Variants in FBXL7 observed in about 807,000 individuals in gnomAD.
FBXL7 encodes F-box and leucine rich repeat protein 7.
A neutral mutation model predicts 38.3 loss-of-function variants in FBXL7; 12 were observed. The observed-to-expected ratio is 0.31, with a 90% CI of 0.20 to 0.51. The LOEUF is 0.51. FBXL7 is among the 20% of genes least tolerant of loss of function. FBXL7 has a pLI of 0.98. For missense variants in FBXL7, 567 were observed against 676.4 expected (o/e 0.84, Z 1.79); for synonymous variants, 297 against 300.9 (o/e 0.99, Z 0.13).
chr5:15,718,169 C>T (rs909371654), intron 2 of FBXL7, among the ~76,000 whole-genome samples: 2 of 151,712 alleles, frequency 1.3e-5, no homozygotes, highest in African/African-American at 2.4e-5. Flanking sequence ...CACACACAGC[C>T]GTGTATATAT....
intron 2 of FBXL7, among the ~76,000 whole-genome samples, chr5:15,851,632 A>G (rs1739096497): frequency 1.3e-5 from 2 of 152,154 alleles, no homozygotes; most frequent in Admixed American, 1.3e-4. Context: ...TATAAATTAA[A>G]TAAATATTAT....
chr5:15,584,420 C>G (rs1410862788), intron 1 of FBXL7, among the ~76,000 whole-genome samples: 2 of 152,174 alleles, frequency 1.3e-5, no homozygotes, highest in Non-Finnish European at 2.9e-5. Flanking sequence ...CTCTCAAGTT[C>G]AAAGTTCCAC....
chr5:15,919,259 A>C (rs1741678953), intron 2 of FBXL7, among the ~76,000 whole-genome samples: 1 of 152,228 alleles, frequency 6.6e-6, no homozygotes, highest in East Asian at 1.9e-4. Context: ...GAGTGTAAAC[A>C]ACAGTGGTTT....
intron 2 of FBXL7, among the ~76,000 whole-genome samples, chr5:15,927,243 G>T (rs186285559): frequency 5.4e-4 from 82 of 152,226 alleles, no homozygotes; most frequent in African/African-American, 2.0e-3. Context: ...CAGTGGCAGG[G>T]CTTGTCGTTG....
intron 2 of FBXL7, among the ~76,000 whole-genome samples, chr5:15,695,302 T>C (rs1743301279): frequency 6.6e-6 from 1 of 151,870 alleles, no homozygotes; most frequent in East Asian, 2.0e-4. Context: ...ACACCAAGGA[T>C]GGAAGGAAAT....
Position 15,541,420 on chromosome 5 carries a change from ATATAG to A in FBXL7, c.37+40712_37+40716del, listed in dbSNP as rs574584027. Among the ~76,000 whole-genome samples the A allele has an allele frequency of 3.4e-3, 426 of 124,292 alleles. 1 individual carries two copies. The highest frequency in any genetic ancestry group is 5.3e-3 in the Non-Finnish European group (320 of 60,940). The allele number at this position is 124,292 out of a possible 152,430, so 81.5% of individuals were successfully genotyped here. On this transcript the variant is annotated intron_variant, in intron 1 of 3. Transcript: ENST00000504595. ...TCCATATATATGTGTATATATATAC[ATATAG>A]TATATATGTGTGTGTGTGTATATAT...
At chr5:15,909,518 T>C (rs1251494711) in intron 2 of FBXL7, among the ~76,000 whole-genome samples, 2 of 41,112 alleles carry the variant, frequency 4.9e-5, no homozygotes, top group Non-Finnish European at 9.8e-5. Context: ...TGTGTCTCTA[T>C]TTCCTTCAGT....
intron 2 of FBXL7, among the ~76,000 whole-genome samples, chr5:15,705,838 TTAAACAAA>T (rs1360644122): frequency 2.0e-5 from 3 of 152,140 alleles, no homozygotes; most frequent in African/African-American, 7.2e-5. Context: ...TCTTGTTTTT[TTAAACAAA>T]TAAATAAATA....
chr5:15,516,838 G>T (rs999968590), intron 1 of FBXL7, among the ~76,000 whole-genome samples: 4 of 152,030 alleles, frequency 2.6e-5, no homozygotes, highest in African/African-American at 9.7e-5. Context: ...ATGTGAGGAA[G>T]GACGCATTTG....
intron 2 of FBXL7, among the ~76,000 whole-genome samples, chr5:15,631,643 G>T (rs993520202): frequency 3.0e-4 from 36 of 118,902 alleles, no homozygotes; most frequent in African/African-American, 9.6e-4. Flanking sequence ...TTGCACTACA[G>T]CCTGGGCAAC....
chr5:15,791,073 G>C (rs903094948), intron 2 of FBXL7, among the ~76,000 whole-genome samples: 13 of 32,952 alleles, frequency 3.9e-4, no homozygotes, highest in East Asian at 1.2e-3. Flanking sequence ...TGTGTAAAAG[G>C]GGGGGGGGGG....
chr5:15,912,694 T>C (rs1353516513), intron 2 of FBXL7, among the ~76,000 whole-genome samples: 3 of 151,938 alleles, frequency 2.0e-5, no homozygotes, highest in African/African-American at 4.8e-5. Flanking sequence ...TTCTGAAAAC[T>C]AAGATGATCA....
intron 1 of FBXL7, among the ~76,000 whole-genome samples, chr5:15,576,567 AT>A (rs1244743000): frequency 6.6e-6 from 1 of 152,208 alleles, no homozygotes; most frequent in Non-Finnish European, 1.5e-5. Flanking sequence ...TAAGAATAAT[AT>A]TTATGTTGTT....
intron 2 of FBXL7, among the ~76,000 whole-genome samples, chr5:15,860,010 C>A (rs1477668403): frequency 6.6e-6 from 1 of 152,144 alleles, no homozygotes; most frequent in Non-Finnish European, 1.5e-5. Context: ...TCAGAAAATG[C>A]AGATCAACAT....
chr5:15,656,280 A>G (rs191200688), intron 2 of FBXL7, among the ~76,000 whole-genome samples: 1 of 152,338 alleles, frequency 6.6e-6, no homozygotes, highest in Admixed American at 6.5e-5. Flanking sequence ...ATTTATGAAC[A>G]TGTCAGTTGC....
rs542667519 is a variant in FBXL7 at position 15,880,602 on chromosome 5, G to A, written c.128-47288G>A. Among the ~76,000 whole-genome samples, 5 of 151,506 alleles carry A rather than the reference G, an allele frequency of 3.3e-5. No homozygotes were observed. In the South Asian group the frequency reaches 6.2e-4, roughly 19 times the overall value. On this transcript the variant is annotated intron_variant, in intron 2 of 3. Transcript: ENST00000504595. ...TTTTATTTCATTTTTCTACTAATTC[G>A]TTTTGATTATAATTTGCAAAACTAT...
At chr5:15,932,168 G>A (rs1462221304) in intron 3 of FBXL7, among the ~76,000 whole-genome samples, 2 of 152,230 alleles carry the variant, frequency 1.3e-5, no homozygotes, top group Non-Finnish European at 2.9e-5. Flanking sequence ...GGAAGCTGCA[G>A]TGCAACAGTT....
chr5:15,596,251 A>G (rs1380415749), intron 1 of FBXL7, among the ~76,000 whole-genome samples: 2 of 152,166 alleles, frequency 1.3e-5, no homozygotes, highest in Non-Finnish European at 2.9e-5. Flanking sequence ...TTTAAAGTAC[A>G]TTCTGTCTTT....
chr5:15,609,031 G>A (rs970744349), intron 1 of FBXL7, among the ~76,000 whole-genome samples: 2 of 152,128 alleles, frequency 1.3e-5, no homozygotes, highest in Admixed American at 1.3e-4. Flanking sequence ...TGGTTGAGGT[G>A]GGGTTTTAAG....
Sources: gnomAD v4.1 joint callset for allele counts (sites outside exome capture counted in the v4.1 genomes callset) on GRCh38, gnomAD v4.1.1 for gene constraint, MANE v1.5 for transcripts, NCBI Gene and HGNC (gene_info 2026-07-23, HGNC 2026-07-21) for gene names.